Variants in PAPSS1 observed in about 807,000 individuals in gnomAD.
The protein encoded by PAPSS1 is 3'-phosphoadenosine 5'-phosphosulfate synthase 1.
A neutral mutation model predicts 72.0 loss-of-function variants in PAPSS1; 50 were observed. The observed-to-expected ratio is 0.69, with a 90% CI of 0.55 to 0.88. PAPSS1 has a LOEUF of 0.88. Ranked by LOEUF, PAPSS1 falls within the 40% of genes least tolerant of loss-of-function variation. The pLI is 0.00. For missense variants in PAPSS1, 657 were observed against 782.2 expected (o/e 0.84, Z 1.91); for synonymous variants, 261 against 263.6 (o/e 0.99, Z 0.09).
chr4:107,641,613 G>A (rs1459047258), intron 10 of PAPSS1, among the ~76,000 whole-genome samples: 2 of 152,138 alleles, frequency 1.3e-5, no homozygotes, highest in East Asian at 1.9e-4. Context: ...GTAACCTAAC[G>A]CATGCATGCA....
intron 4 of PAPSS1, among the ~76,000 whole-genome samples, chr4:107,682,663 A>G (rs1286262322): frequency 1.3e-5 from 2 of 152,200 alleles, no homozygotes; most frequent in East Asian, 1.9e-4. Context: ...GTGAAGATAT[A>G]TGGAATTAAT....
intron 5 of PAPSS1, among the ~76,000 whole-genome samples, chr4:107,675,585 A>T (rs751982390): frequency 1.3e-5 from 2 of 152,250 alleles, no homozygotes; most frequent in Non-Finnish European, 1.5e-5. Context: ...ATGGATTCAC[A>T]GCCAAATTCT....
intron 4 of PAPSS1, among the ~76,000 whole-genome samples, chr4:107,685,085 T>C (rs1043219327): frequency 1.3e-5 from 2 of 152,176 alleles, no homozygotes; most frequent in African/African-American, 2.4e-5. Flanking sequence ...TTTGTATTTT[T>C]AGTAGAGACG....
At chr4:107,655,384 C>T (rs1028498042) in intron 7 of PAPSS1, among the ~76,000 whole-genome samples, 1 of 152,076 alleles carries the variant, frequency 6.6e-6, no homozygotes, top group African/African-American at 2.4e-5. Context: ...ACTTGAGTAT[C>T]CTTGAGATAG....
At chr4:107,668,148 T>A (rs1022912334) in intron 5 of PAPSS1, among the ~76,000 whole-genome samples, 9 of 152,044 alleles carry the variant, frequency 5.9e-5, no homozygotes, top group Non-Finnish European at 1.2e-4. Flanking sequence ...GTAGAAACAT[T>A]GAGTGTGTAG....
intron 1 of PAPSS1, among the ~76,000 whole-genome samples, chr4:107,709,743 C>A (rs1011292373): frequency 6.6e-6 from 1 of 152,186 alleles, no homozygotes; most frequent in East Asian, 1.9e-4. Context: ...CTAGGACTAT[C>A]TTCCACACCC....
chr4:107,649,538 G>T (rs182017397), intron 9 of PAPSS1, among the ~76,000 whole-genome samples: 9 of 152,208 alleles, frequency 5.9e-5, no homozygotes, highest in Admixed American at 2.0e-4. Flanking sequence ...CTTCCTGCTG[G>T]GAGCTGACTG....
chr4:107,666,260 A>G (rs1727314158), intron 5 of PAPSS1, among the ~76,000 whole-genome samples: 1 of 152,212 alleles, frequency 6.6e-6, no homozygotes, highest in Non-Finnish European at 1.5e-5. Flanking sequence ...AGTATTTAAA[A>G]TATCACTTTA....
intron 6 of PAPSS1, among the ~76,000 whole-genome samples, chr4:107,658,264 G>T (rs1727072374): frequency 7.4e-6 from 1 of 135,054 alleles, no homozygotes; most frequent in Non-Finnish European, 1.6e-5. Context: ...ATAGAATTAA[G>T]TACCTTCTGT....
rs1175842557 is a variant in PAPSS1, at chr4:107,693,831, A to G, written c.351T>C (p.Ala117=). Residue 117 remains alanine (A), a synonymous_variant, in exon 3 of 12, where the codon GCT becomes GCC. Coordinates refer to ENST00000265174, the MANE Select transcript of PAPSS1 (RefSeq NM_005443.5). ...CTAAGCCAGCATCTGCAAACAGTTT[A>G]GCAACTTCTGCGATGCGTCGAACAT... is the stretch of plus-strand genomic sequence containing the variant. ...EENVRRIAEV[A]KLFADAGLVC... The G allele has an allele frequency of 6.2e-7, 1 of 1,613,998 alleles. No individual in the cohort carries two copies.
chr4:107,720,096 G>C (rs747420989), intron 1 of PAPSS1, 24 bp downstream of exon 1: 74 of 1,598,206 alleles, frequency 4.6e-5, no homozygotes, highest in Non-Finnish European at 5.9e-5. Context: ...GCTCCTCGCC[G>C]TCTCGCCTTC....
At chr4:107,634,360 T>A (rs1726304955) in intron 10 of PAPSS1, among the ~76,000 whole-genome samples, 1 of 152,096 alleles carries the variant, frequency 6.6e-6, no homozygotes, top group Non-Finnish European at 1.5e-5. Flanking sequence ...TAATCAAGAT[T>A]AAGAAGAGCA....
intron 9 of PAPSS1, among the ~76,000 whole-genome samples, chr4:107,646,135 G>C (rs993984850): frequency 6.6e-6 from 1 of 152,070 alleles, no homozygotes; most frequent in Middle Eastern, 3.2e-3. Flanking sequence ...AAACAGAAAA[G>C]TCTTGATATA....
At chr4:107,615,164 A>G (rs1725788879) in intron 11 of PAPSS1, among the ~76,000 whole-genome samples, 1 of 152,110 alleles carries the variant, frequency 6.6e-6, no homozygotes, top group Non-Finnish European at 1.5e-5. Context: ...TAGTGTTGAT[A>G]GTTTTTCTCA....
At chr4:107,672,416 T>C (rs968358328) in intron 5 of PAPSS1, among the ~76,000 whole-genome samples, 1 of 152,326 alleles carries the variant, frequency 6.6e-6, no homozygotes, top group Admixed American at 6.5e-5. Flanking sequence ...ACCAGGAGAA[T>C]TATATCCCGT....
rs1022347711 is a variant in PAPSS1 at position 107,640,771 on chromosome 4, G to A, written c.1506+4031C>T. 2.0e-5 allele frequency among the ~76,000 whole-genome samples: 3 copies of A among 152,154 alleles called. No homozygotes were observed. In the South Asian group the frequency reaches 6.2e-4, roughly 32 times the overall value. ...CCAAAGCTTATTCTTTACAAGTTCAGAAGTTAAAAAACCGCCTTTTGCTCA... is the reference window on the plus strand; with the variant it reads ...CCAAAGCTTATTCTTTACAAGTTCAAAAGTTAAAAAACCGCCTTTTGCTCA... On this transcript the variant is annotated intron_variant, in intron 10 of 11. Transcript: ENST00000265174.
chr4:107,653,355 G>C (rs1726907378), intron 9 of PAPSS1, 136 bp downstream of exon 9: 1 of 638,790 alleles, frequency 1.6e-6, no homozygotes, highest in Admixed American at 3.2e-5. Flanking sequence ...AGTTTTGATT[G>C]ACTACCTTTC....
chr4:107,640,583 C>A (rs554442274), intron 10 of PAPSS1, among the ~76,000 whole-genome samples: 3 of 151,448 alleles, frequency 2.0e-5, no homozygotes, highest in East Asian at 2.0e-4. Flanking sequence ...CAAAAAAATT[C>A]TTCACTTATG....
chr4:107,719,948 C>G (rs1471288587), intron 1 of PAPSS1, 172 bp downstream of exon 1: 1 of 1,394,536 alleles, frequency 7.2e-7, no homozygotes, highest in Admixed American at 3.4e-5. Context: ...CCGCGCCCCT[C>G]TGCCTCGCAA....
Sources: allele counts gnomAD v4.1 joint callset (sites outside exome capture counted in the v4.1 genomes callset), GRCh38; gene constraint gnomAD v4.1.1; transcripts MANE v1.5; gene names NCBI Gene and HGNC (gene_info 2026-07-23, HGNC 2026-07-21).